GNAQ: variants seen among roughly 807,000 people sequenced by gnomAD.
GNAQ encodes guanine nucleotide-binding protein G(q) subunit alpha.
GNAQ carries 8 observed loss-of-function variants against 43.9 expected under a neutral mutation model. The ratio of observed to expected loss-of-function variants is 0.18; its 90% confidence interval spans 0.11 to 0.33. GNAQ has a LOEUF of 0.33. Among genes scored for constraint, GNAQ ranks in the 10% least tolerant of loss-of-function variants. The pLI, the probability that GNAQ is intolerant of heterozygous loss-of-function variation, is 1.00. For missense variants in GNAQ, 158 were observed against 450.8 expected, an observed-to-expected ratio of 0.35 and a Z score of 5.88; for synonymous variants, 155 against 170.7, an observed-to-expected ratio of 0.91 and a Z score of 0.71.
At position 78,031,274 on chromosome 9, in the gene GNAQ, C is replaced by G; in HGVS notation, c.-39G>C. ...CTCCGCTGCAGCCCCGCCGGCACCCCCTGCTCACAGCGCGCACACACACCC... is the reference window on the plus strand; with the variant it reads ...CTCCGCTGCAGCCCCGCCGGCACCCGCTGCTCACAGCGCGCACACACACCC... On this transcript the variant is annotated 5_prime_UTR_variant, in exon 1 of 7. Coordinates refer to ENST00000286548, the MANE Select transcript of GNAQ (RefSeq NM_002072.5). The G allele has an allele frequency of 1.4e-6, 2 of 1,443,838 alleles. No individual in the cohort carries two copies. Among genetic ancestry groups the G allele is most frequent in the Non-Finnish European group, 1.8e-6 (2 of 1,082,078 alleles). The allele number at this position is 1,443,838 out of a possible 1,614,324, so 89.4% of individuals were successfully genotyped here. A position where few individuals can be genotyped will look rare whatever the true frequency, so the allele number is the denominator to read the frequency against.
intron 1 of GNAQ, among the ~76,000 whole-genome samples, chr9:77,978,863 C>A (rs978106452): frequency 7.9e-5 from 12 of 152,132 alleles, no homozygotes; most frequent in African/African-American, 2.7e-4. Flanking sequence ...CAAGACCAGC[C>A]TGGACAACAT....
chr9:78,000,620 T>G (rs1255651218), intron 1 of GNAQ, among the ~76,000 whole-genome samples: 1 of 152,200 alleles, frequency 6.6e-6, no homozygotes, highest in Non-Finnish European at 1.5e-5. Context: ...AGCATAGTAA[T>G]TCTGCTAAGA....
chr9:78,012,478 A>G (rs1355558369), intron 1 of GNAQ, among the ~76,000 whole-genome samples: 1 of 152,100 alleles, frequency 6.6e-6, no homozygotes, highest in African/African-American at 2.4e-5. Context: ...AAGTGCTGGG[A>G]TTACAGGTGT....
At chr9:77,829,814 A>G (rs538994125) in intron 2 of GNAQ, among the ~76,000 whole-genome samples, 1 of 152,288 alleles carries the variant, frequency 6.6e-6, no homozygotes, top group Admixed American at 6.5e-5. Context: ...TGTGCACATT[A>G]AAGTTTGGAA....
At chr9:77,917,531 A>T (rs1828930089) in intron 2 of GNAQ, among the ~76,000 whole-genome samples, 1 of 151,682 alleles carries the variant, frequency 6.6e-6, no homozygotes, top group African/African-American at 2.4e-5. Flanking sequence ...AAAATAATAA[A>T]CTTAAAAAAA....
intron 2 of GNAQ, among the ~76,000 whole-genome samples, chr9:77,842,673 C>G (rs1827510985): frequency 6.6e-6 from 1 of 152,098 alleles, no homozygotes; most frequent in Non-Finnish European, 1.5e-5. Flanking sequence ...CCTGGTTTCC[C>G]ATGCTAGGAT....
intron 2 of GNAQ, among the ~76,000 whole-genome samples, chr9:77,824,395 T>C (rs763815761): frequency 4.6e-5 from 7 of 152,162 alleles, no homozygotes; most frequent in Non-Finnish European, 8.8e-5. Context: ...AATATCTCAG[T>C]TCAAATATTT....
chr9:77,932,782 G>A (rs550336446), intron 1 of GNAQ, among the ~76,000 whole-genome samples: 12 of 152,246 alleles, frequency 7.9e-5, no homozygotes, highest in Middle Eastern at 3.4e-3. Context: ...TGGAAAGTCT[G>A]AACCAGTGAA....
intron 4 of GNAQ, among the ~76,000 whole-genome samples, chr9:77,795,807 C>T (rs1021068474): frequency 3.9e-5 from 6 of 152,104 alleles, no homozygotes; most frequent in East Asian, 3.9e-4. Context: ...CACACTGGGC[C>T]GTAAAAGATG....
chr9:77,880,889 T>C (rs746663794), intron 2 of GNAQ, among the ~76,000 whole-genome samples: 18 of 152,124 alleles, frequency 1.2e-4, no homozygotes, highest in Non-Finnish European at 2.4e-4. Context: ...AGACAGTGCT[T>C]TAGAGGACCA....
intron 1 of GNAQ, among the ~76,000 whole-genome samples, chr9:78,014,223 A>G (rs1433508445): frequency 6.6e-6 from 1 of 152,236 alleles, no homozygotes; most frequent in Non-Finnish European, 1.5e-5. Flanking sequence ...ATCAGAAAAC[A>G]GAAATCAGAC....
intron 2 of GNAQ, among the ~76,000 whole-genome samples, chr9:77,889,633 A>G (rs933232038): frequency 6.6e-6 from 1 of 151,738 alleles, no homozygotes; most frequent in Non-Finnish European, 1.5e-5. Flanking sequence ...TTCATTTCCA[A>G]TTTGCTGTGT....
At chr9:77,921,800 C>T (rs894169111) in intron 2 of GNAQ, among the ~76,000 whole-genome samples, 1 of 152,124 alleles carries the variant, frequency 6.6e-6, no homozygotes, top group Non-Finnish European at 1.5e-5. Flanking sequence ...AGGCCACCAC[C>T]TCTTTGAAAT....
chr9:77,737,370 A>C (rs1222802352), intron 5 of GNAQ, among the ~76,000 whole-genome samples: 2 of 152,180 alleles, frequency 1.3e-5, no homozygotes, highest in Non-Finnish European at 1.5e-5. Context: ...GTTTCCCTCT[A>C]CTAAGTATCT....
At chr9:77,916,881 TC>T (rs939104564) in intron 2 of GNAQ, among the ~76,000 whole-genome samples, 1 of 152,134 alleles carries the variant, frequency 6.6e-6, no homozygotes, top group Non-Finnish European at 1.5e-5. Context: ...TCTTTTCTCT[TC>T]CCAGGACTGG....
chr9:77,944,615 T>C (rs1665605344), intron 1 of GNAQ, among the ~76,000 whole-genome samples: 1 of 152,200 alleles, frequency 6.6e-6, no homozygotes, highest in South Asian at 2.1e-4. Context: ...CCACCATTTC[T>C]TCCACTGAGG....
intron 5 of GNAQ, among the ~76,000 whole-genome samples, chr9:77,739,296 C>G (rs1246157942): frequency 1.3e-5 from 2 of 152,162 alleles, no homozygotes; most frequent in Non-Finnish European, 1.5e-5. Context: ...GATTTTCCAA[C>G]AGATTACTTA....
Position 77,851,312 on chromosome 9 carries a change from A to G in GNAQ, c.322-35542T>C, listed in dbSNP as rs1435369219. ...GTTTTTGTGATAAACCTCCCCCAAA[A>G]CAGGATGCCTATTGTGTAGGACATG... On this transcript the variant is annotated intron_variant, in intron 2 of 6. Coordinates refer to ENST00000286548, the MANE Select transcript of GNAQ (RefSeq NM_002072.5). Among the ~76,000 whole-genome samples, 5 of 152,154 alleles carry G rather than the reference A, an allele frequency of 3.3e-5. No homozygotes were observed. In the East Asian group the frequency reaches 9.7e-4, roughly 29 times the overall value.
intron 3 of GNAQ, among the ~76,000 whole-genome samples, chr9:77,810,673 T>G (rs541629354): frequency 2.0e-5 from 3 of 152,178 alleles, no homozygotes; most frequent in Admixed American, 6.5e-5. Flanking sequence ...GCTTATACCA[T>G]GGTCATTAAA....
Sources: allele counts gnomAD v4.1 joint callset (sites outside exome capture counted in the v4.1 genomes callset), GRCh38; gene constraint gnomAD v4.1.1; transcripts MANE v1.5; gene names NCBI Gene and HGNC (gene_info 2026-07-23, HGNC 2026-07-21).